The following KCNK9 variants were observed in gnomAD, a reference collection of about 807,000 sequenced individuals.
KCNK9 encodes the protein potassium two pore domain channel subfamily K member 9.
KCNK9 carries 1 observed loss-of-function variant against 10.8 expected under a neutral mutation model. The observed-to-expected ratio is 0.09, with a 90% CI of 0.03 to 0.44. KCNK9 has a LOEUF of 0.44. Among genes scored for constraint, KCNK9 ranks in the 20% least tolerant of loss-of-function variants. The probability of loss-of-function intolerance (pLI) is 0.97; values close to 1 mark genes in which losing one functional copy is unlikely to be tolerated. For synonymous variants in KCNK9, 231 were observed against 222.7 expected (o/e 1.04, Z -0.33); for missense variants, 303 against 515.0 (o/e 0.59, Z 3.98).
chr8:139,622,404 C>A (rs904200736), intron 1 of KCNK9, among the ~76,000 whole-genome samples: 2 of 152,180 alleles, frequency 1.3e-5, no homozygotes, highest in Non-Finnish European at 2.9e-5. Context: ...CTGGGAGCTA[C>A]ATCAAGGGTC....
intron 1 of KCNK9, among the ~76,000 whole-genome samples, chr8:139,696,198 C>A (rs1250585446): frequency 2.0e-5 from 3 of 152,144 alleles, no homozygotes; most frequent in Admixed American, 2.0e-4. Flanking sequence ...TTATGTGTTA[C>A]ATAATGAGCT....
chr8:139,610,226 C>T (rs1814378592), downstream of KCNK9, among the ~76,000 whole-genome samples: 1 of 152,344 alleles, frequency 6.6e-6, no homozygotes, highest in African/African-American at 2.4e-5. Flanking sequence ...ACTCCTGGAT[C>T]ATCTGACACC....
chr8:139,618,223 CAA>C lies in KCNK9; in HGVS notation c.*33_*34del, dbSNP rs1479167037. 2 of 1,613,948 alleles carry C rather than the reference CAA, an allele frequency of 1.2e-6. No homozygotes were observed. The highest frequency in any genetic ancestry group is 2.7e-5 in the African/African-American group (2 of 74,932). Reference sequence around the variant, plus strand: ...CAATGGAAATTAACACCAACTATGACAAATGACTTTTCTGTCCCATTTCCCTC... The same window carrying C: ...CAATGGAAATTAACACCAACTATGACATGACTTTTCTGTCCCATTTCCCTC... On this transcript the variant is annotated 3_prime_UTR_variant, in exon 2 of 2. Transcript: ENST00000520439. This position sits in a 1 kb window ranked among gnomAD's most constrained non-coding sequence, Gnocchi z 7.9.
At chr8:139,678,595 C>A (rs1280623983) in intron 1 of KCNK9, among the ~76,000 whole-genome samples, 1 of 152,258 alleles carries the variant, frequency 6.6e-6, no homozygotes, top group Non-Finnish European at 1.5e-5. Flanking sequence ...GGGCCTCAGG[C>A]CCATCCCTGG....
At chr8:139,620,604 G>A (rs762445888) in intron 1 of KCNK9, among the ~76,000 whole-genome samples, 6 of 152,006 alleles carry the variant, frequency 3.9e-5, no homozygotes, top group African/African-American at 7.2e-5. Flanking sequence ...GTCTGTCTCC[G>A]GTGGTGTGAA....
At chr8:139,671,480 T>C (rs1816424198) in intron 1 of KCNK9, among the ~76,000 whole-genome samples, 1 of 151,694 alleles carries the variant, frequency 6.6e-6, no homozygotes, top group Non-Finnish European at 1.5e-5. Context: ...CCAAGGCCAC[T>C]TGCTGGCGTT....
chr8:139,666,363 G>A (rs977179650), intron 1 of KCNK9, among the ~76,000 whole-genome samples: 1 of 152,234 alleles, frequency 6.6e-6, no homozygotes, highest in Non-Finnish European at 1.5e-5. Flanking sequence ...TGTCAGTGCT[G>A]TGTGAGGTGC....
chr8:139,663,461 C>T (rs1816215246), intron 1 of KCNK9, among the ~76,000 whole-genome samples: 1 of 152,006 alleles, frequency 6.6e-6, no homozygotes, highest in South Asian at 2.1e-4. Flanking sequence ...CAATCCCTGG[C>T]GCGAAAGACA....
intron 1 of KCNK9, among the ~76,000 whole-genome samples, chr8:139,662,853 G>A (rs1816194549): frequency 8.3e-6 from 1 of 120,456 alleles, no homozygotes; most frequent in African/African-American, 3.9e-5. Context: ...GGAGAAGGGA[G>A]GAAGGGGAGG....
intron 1 of KCNK9, among the ~76,000 whole-genome samples, chr8:139,681,636 C>T (rs542898656): frequency 6.6e-6 from 1 of 152,328 alleles, no homozygotes; most frequent in South Asian, 2.1e-4. Context: ...GGTGGCACAG[C>T]AGCACAGCGG....
chr8:139,662,110 A>C (rs1816167773), intron 1 of KCNK9, among the ~76,000 whole-genome samples: 1 of 151,832 alleles, frequency 6.6e-6, no homozygotes, highest in Non-Finnish European at 1.5e-5. Context: ...TCAGGGGCCC[A>C]CCTCTCCCCC....
At chr8:139,680,886 AT>A (rs1410829794) in intron 1 of KCNK9, among the ~76,000 whole-genome samples, 1 of 151,954 alleles carries the variant, frequency 6.6e-6, no homozygotes, top group Non-Finnish European at 1.5e-5. Context: ...CACAATCTCC[AT>A]GGTCCTGCCC....
chr8:139,675,824 C>T (rs1213217955), intron 1 of KCNK9, among the ~76,000 whole-genome samples: 3 of 152,148 alleles, frequency 2.0e-5, no homozygotes, highest in Non-Finnish European at 4.4e-5. Flanking sequence ...TGTGACAGAA[C>T]CTGTTGGTGT....
At chr8:139,623,507 G>A (rs1814860884) in intron 1 of KCNK9, among the ~76,000 whole-genome samples, 1 of 152,288 alleles carries the variant, frequency 6.6e-6, no homozygotes, top group South Asian at 2.1e-4. Flanking sequence ...GCGGATAGAG[G>A]CTGGGGCATG....
At chr8:139,628,952 C>T (rs908306928) in intron 1 of KCNK9, among the ~76,000 whole-genome samples, 2 of 152,162 alleles carry the variant, frequency 1.3e-5, no homozygotes, top group African/African-American at 4.8e-5. Flanking sequence ...GTGGACATCT[C>T]GTCCCTGGTT....
chr8:139,619,137 G>A, intron 1 of KCNK9, 38 bp from the exon 2 acceptor site: 10 of 1,611,486 alleles, frequency 6.2e-6, no homozygotes, highest in Non-Finnish European at 8.5e-6. Context: ...GAGAGCAAGT[G>A]AGGAGGGGTC....
At chr8:139,601,088 T>C (rs1330577858), downstream of KCNK9, 4 of 152,134 alleles carry the variant, frequency 2.6e-5, no homozygotes, top group African/African-American at 9.7e-5. Context: ...CGCCGGGCCC[T>C]GCAGGAGGGC....
At chr8:139,662,768 A>G (rs1395204072) in intron 1 of KCNK9, among the ~76,000 whole-genome samples, 1 of 150,482 alleles carries the variant, frequency 6.6e-6, no homozygotes, top group East Asian at 2.0e-4. Flanking sequence ...CAGAGGATTT[A>G]GCAGAGAATC....
chr8:139,656,131 T>C (rs949749549), intron 1 of KCNK9, among the ~76,000 whole-genome samples: 1 of 152,192 alleles, frequency 6.6e-6, no homozygotes, highest in Non-Finnish European at 1.5e-5. Context: ...ATGAGCCAGG[T>C]TGGGGTACAG....
Sources: allele counts gnomAD v4.1 joint callset (sites outside exome capture counted in the v4.1 genomes callset), GRCh38; gene constraint gnomAD v4.1.1; non-coding constraint Gnocchi (gnomAD v3.1); transcripts MANE v1.5; gene names NCBI Gene and HGNC (gene_info 2026-07-23, HGNC 2026-07-21).